The following ZNF197 variants were observed in gnomAD, a reference collection of about 807,000 sequenced individuals.
ZNF197 encodes the protein zinc finger protein 197.
In ZNF197, 14 loss-of-function variants were observed where a neutral mutation model predicts 27.4. The observed-to-expected ratio is 0.51, with a 90% CI of 0.34 to 0.80. The LOEUF (loss-of-function observed/expected upper bound fraction) is 0.80, where lower values mean the gene tolerates loss of function less well. Among genes scored for constraint, ZNF197 ranks in the 30% least tolerant of loss-of-function variants. The probability of loss-of-function intolerance (pLI) is 0.02; values close to 1 mark genes in which losing one functional copy is unlikely to be tolerated. For synonymous variants in ZNF197, 415 were observed against 420.0 expected (o/e 0.99, Z 0.15); for missense variants, 1,090 against 1,222.6 (o/e 0.89, Z 1.62).
chr3:44,629,324 A>C lies in ZNF197; in HGVS notation c.170A>C (p.Gln57Pro). ...CGTTACCATGAGACATCTGGACCCCAGGAAGCCCTGAGCCGGCTCAGGGAA... is the reference window on the plus strand; with the variant it reads ...CGTTACCATGAGACATCTGGACCCCCGGAAGCCCTGAGCCGGCTCAGGGAA... ...QLRYHETSGP[Q>P]EALSRLRELC... Residue 57 changes from glutamine to proline, a missense_variant, in exon 2 of 6, where the codon CAG becomes CCG. Gln to Pro is a moderately conservative substitution (Grantham distance 76). Coordinates refer to ENST00000344387, the MANE Select transcript of ZNF197 (RefSeq NM_006991.5). 1 of 1,614,194 alleles carries C rather than the reference A, an allele frequency of 6.2e-7. No individual in the cohort carries two copies. The highest frequency in any genetic ancestry group is 8.5e-7 in the Non-Finnish European group (1 of 1,180,024).
At chr3:44,633,850 T>C (rs900258521) in intron 5 of ZNF197, among the ~76,000 whole-genome samples, 2 of 152,258 alleles carry the variant, frequency 1.3e-5, no homozygotes, top group African/African-American at 4.8e-5. Context: ...ATTTTCTAAT[T>C]GACTGTCATT....
Position 44,642,359 on chromosome 3 carries a change from G to A in ZNF197, c.1229G>A (p.Arg410His), listed in dbSNP as rs368799335. 132 of 1,613,978 alleles carry A rather than the reference G, an allele frequency of 8.2e-5. 1 individual carries two copies. Among genetic ancestry groups the A allele is most frequent in the Admixed American group, 3.0e-4 (18 of 60,004 alleles). Residue 410 changes from arginine to histidine, a missense_variant, in exon 6 of 6, where the codon CGT (arginine) becomes CAT (histidine). Transcript: ENST00000344387. ...GAATGTGGAAAAGGCTTTATTCAGC[G>A]TTCGAGCCTTCTAATGCATTTACGG... is the stretch of plus-strand genomic sequence containing the variant. ...CKECGKGFIQ[R>H]SSLLMHLRNH... is the part of the protein sequence containing the mutation.
Position 44,641,884 on chromosome 3 carries a change from T to A in ZNF197, c.770-16T>A. 1 of 1,556,592 alleles carries A rather than the reference T, an allele frequency of 6.4e-7. No individual in the cohort carries two copies. On this transcript the variant is annotated splice_polypyrimidine_tract_variant and intron_variant, in intron 5 of 5. Coordinates refer to ENST00000344387, the MANE Select transcript of ZNF197 (RefSeq NM_006991.5). The stretch of plus-strand genomic sequence containing the variant: ...AGGGACGTGGTAACATTTGCATTTT[T>A]AATTCCTTTTACCAGAATGGGAGAC...
Position 44,644,043 on chromosome 3 carries a change from A to G in ZNF197, c.2913A>G (p.Lys971=), listed in dbSNP as rs1702801381. ...GTAGTAAAGTTTTTAGGCAAAGAAA[A>G]AACCTTACTGTACATCAGAAAATCC... ...NDCSKVFRQR[K]NLTVHQKIHT... Residue 971 remains lysine, a synonymous_variant, in exon 6 of 6, where the codon AAA becomes AAG. Coordinates refer to ENST00000344387, the MANE Select transcript of ZNF197 (RefSeq NM_006991.5). The G allele has an allele frequency of 6.2e-7, 1 of 1,614,024 alleles. No individual in the cohort carries two copies. The highest frequency in any genetic ancestry group is 2.2e-5 in the East Asian group (1 of 44,870).
rs1702853595 is a variant in ZNF197, at chr3:44,644,706, G to A, written c.*486G>A. The A allele has an allele frequency of 1.0e-6, 1 of 986,040 alleles. No individual in the cohort carries two copies. The highest frequency in any genetic ancestry group is 1.7e-5 in the African/African-American group (1 of 57,206). The allele number at this position is 986,040 out of a possible 1,614,324, so 61.1% of individuals were successfully genotyped here. ...ATAATCCAAATCTAATAACATAGTT[G>A]TAAATGAGAGCAACAATAAAAAGTA... On this transcript the variant is annotated 3_prime_UTR_variant, in exon 6 of 6. Transcript: ENST00000344387.
At position 44,643,741 on chromosome 3, in the gene ZNF197, GAA is replaced by G; in HGVS notation, c.2616_2617del (p.Lys872AsnfsTer8). The G allele has an allele frequency of 6.2e-7, 1 of 1,613,866 alleles. No homozygotes were observed. Among genetic ancestry groups the G allele is most frequent in the Non-Finnish European group, 8.5e-7 (1 of 1,179,976 alleles). On this transcript the variant is annotated frameshift_variant, in exon 6 of 6. Transcript: ENST00000344387. LOFTEE classifies it low-confidence loss of function (END_TRUNC). Reference sequence around the variant, plus strand: ...TGAACATCAAAGAATTCACAGTGGAGAAAAAACCTACGAATGTCATGTATGTA... The same window carrying G: ...TGAACATCAAAGAATTCACAGTGGAGAAAACCTACGAATGTCATGTATGTA... ...LIEHQRIHSG[E>X]KTYECHVCRK...
In ZNF197 at chr3:44,643,653, T is replaced by C; in HGVS notation, c.2523T>C (p.Thr841=). ...TTATAGCCCATCAGAGGATCCATACTGGTGAGAAGCCCTATGCGTGTAGTG... is the reference window on the plus strand; with the variant it reads ...TTATAGCCCATCAGAGGATCCATACCGGTGAGAAGCCCTATGCGTGTAGTG... ...SNLIAHQRIH[T]GEKPYACSEC... Residue 841 remains threonine (T), a synonymous_variant, in exon 6 of 6, where the codon ACT becomes ACC. Coordinates refer to ENST00000344387, the MANE Select transcript of ZNF197 (RefSeq NM_006991.5). 1.9e-6 allele frequency: 3 copies of C among 1,614,166 alleles called. No homozygotes were observed. The highest frequency in any genetic ancestry group is 2.5e-6 in the Non-Finnish European group (3 of 1,180,026).
At position 44,643,539 on chromosome 3, in the gene ZNF197, A is replaced by G. The variant is rs1479290465; in HGVS notation, c.2409A>G (p.Lys803=). 4 of 1,614,074 alleles carry G rather than the reference A, an allele frequency of 2.5e-6. No individual in the cohort carries two copies. Among genetic ancestry groups the G allele is most frequent in the Non-Finnish European group, 3.4e-6 (4 of 1,180,038 alleles). Reference sequence around the variant, plus strand: ...GTGGCAAATGCTTCATTCTGAAGAAAAGCCTCATTGGACATCAGAGAATTC... The same window carrying G: ...GTGGCAAATGCTTCATTCTGAAGAAGAGCCTCATTGGACATCAGAGAATTC... ...DECGKCFILK[K]SLIGHQRIHT... Residue 803 remains lysine (K), a synonymous_variant, in exon 6 of 6, where the codon AAA becomes AAG. Coordinates refer to ENST00000344387, the MANE Select transcript of ZNF197 (RefSeq NM_006991.5).
At position 44,647,467 on chromosome 3, in the gene ZNF197, T is replaced by G. The variant is rs896689837; in HGVS notation, c.*3247T>G. The G allele has an allele frequency of 6.6e-6, 1 of 152,152 alleles. No homozygotes were observed. The highest frequency in any genetic ancestry group is 1.5e-5 in the Non-Finnish European group (1 of 68,016). The allele number at this position is 152,152 out of a possible 1,614,324, so 9.4% of individuals were successfully genotyped here. On this transcript the variant is annotated 3_prime_UTR_variant, in exon 6 of 6. Transcript: ENST00000344387. Reference sequence around the variant, plus strand: ...CTTCTGAGCATTTATCCCAGAGAAATGAAAACTTGCGTTCACACAAAAACC... The same window carrying G: ...CTTCTGAGCATTTATCCCAGAGAAAGGAAAACTTGCGTTCACACAAAAACC...
At position 44,641,945 on chromosome 3, in the gene ZNF197, G is replaced by T. The variant is rs140570182; in HGVS notation, c.815G>T (p.Ser272Ile). 4 of 1,611,226 alleles carry T rather than the reference G, an allele frequency of 2.5e-6. No homozygotes were observed. In the East Asian group the frequency reaches 8.9e-5, roughly 36 times the overall value. The change falls in exon 6 of 6, where the codon AGT (serine) becomes ATT (isoleucine). Residue 272 changes from serine (S) to isoleucine (I), a missense_variant. By Grantham distance (142) the Ser-to-Ile change is moderately radical. Transcript: ENST00000344387. ...AATGAGGAGGTGACATCAAAGCCAA[G>T]TAGTTCTCAAAGAGCAGACTCTCAT... Reference protein sequence around the residue: ...TENEEVTSKPSSSQRADSHKG... With the variant: ...TENEEVTSKPISSQRADSHKG...
rs1449653935 is a variant in ZNF197 at position 44,642,030 on chromosome 3, G to C, written c.900G>C (p.Glu300Asp). 1 of 1,614,118 alleles carries C rather than the reference G, an allele frequency of 6.2e-7. No individual in the cohort carries two copies. The highest frequency in any genetic ancestry group is 1.1e-5 in the South Asian group (1 of 91,072). The change falls in exon 6 of 6, where the codon GAG (glutamate) becomes GAC (aspartate). Residue 300 changes from glutamate (E) to aspartate (D), a missense_variant. Coordinates refer to ENST00000344387, the MANE Select transcript of ZNF197 (RefSeq NM_006991.5). The stretch of plus-strand genomic sequence containing the variant: ...CCCAGGTCCTTGATTTTGAAGAAGA[G>C]TGTGAATGGCAAGTTTTGGCAAGTC... Reference protein sequence around the residue: ...SVPQVLDFEEECEWQVLASQW... With the variant: ...SVPQVLDFEEDCEWQVLASQW...
rs555227000 is a variant in ZNF197 at position 44,625,393 on chromosome 3, C to A, written c.-82+250C>A. Among the ~76,000 whole-genome samples the A allele has an allele frequency of 4.6e-5, 7 of 152,328 alleles. No homozygotes were observed. The South Asian group carries it at 1.2e-3, about 27-fold the overall frequency. On this transcript the variant is annotated intron_variant, in intron 1 of 5. Coordinates refer to ENST00000344387, the MANE Select transcript of ZNF197 (RefSeq NM_006991.5). ...TTTGTGGACCGGTGCTCCTGTCTAA[C>A]GGACTCTGCTGGCGCTTTGAGAAGA...
Position 44,642,639 on chromosome 3 carries a change from C to T in ZNF197, c.1509C>T (p.Leu503=). ...CTTACCTCATTGACCATCAGAGGCT[C>T]CACAAAGGGGAAGAACCTTATAAAT... ...QNAYLIDHQR[L]HKGEEPYKCN... Residue 503 remains leucine, a synonymous_variant, in exon 6 of 6, where the codon CTC becomes CTT. Coordinates refer to ENST00000344387, the MANE Select transcript of ZNF197 (RefSeq NM_006991.5). 2 of 1,614,026 alleles carry T rather than the reference C, an allele frequency of 1.2e-6. No homozygotes were observed. Among genetic ancestry groups the T allele is most frequent in the Non-Finnish European group, 1.7e-6 (2 of 1,180,014 alleles).
Position 44,644,785 on chromosome 3 carries a change from C to T in ZNF197, c.*565C>T, listed in dbSNP as rs554678017. On this transcript the variant is annotated 3_prime_UTR_variant, in exon 6 of 6. Transcript: ENST00000344387. ...CTGTAGTCCCAGGACTTTGGGAGGC[C>T]GAGGTGGGAAGATCCCTTGAGCCCA... 38 of 984,866 alleles carry T rather than the reference C, an allele frequency of 3.9e-5. No individual in the cohort carries two copies. Among genetic ancestry groups the T allele is most frequent in the Admixed American group, 6.1e-5 (1 of 16,268 alleles). 61.0% of individuals were successfully genotyped at this position (984,866 alleles called of 1,614,324 possible). A position where few individuals can be genotyped will look rare whatever the true frequency, so the allele number is the denominator to read the frequency against.
chr3:44,631,023 A>C (rs1222143995), intron 2 of ZNF197, 39 bp from the exon 3 acceptor site: 1 of 1,613,096 alleles, frequency 6.2e-7, no homozygotes, highest in South Asian at 1.1e-5. Flanking sequence ...CCATTTTCTT[A>C]AGAAACAAGA....
chr3:44,627,027 A>C (rs530364136), intron 1 of ZNF197, among the ~76,000 whole-genome samples: 31 of 152,316 alleles, frequency 2.0e-4, no homozygotes, highest in Middle Eastern at 3.4e-3. Context: ...TCTCTAAGAC[A>C]TATTATTGAG....
chr3:44,643,360 A>C lies in ZNF197; in HGVS notation c.2230A>C (p.Ser744Arg). ...YKCEDCGKAFSYNSSLLVHRR... is the reference protein window; with the variant it reads ...YKCEDCGKAFRYNSSLLVHRR... ...ATGTGAGGATTGTGGGAAGGCTTTC[A>C]GTTACAATTCAAGCCTGCTTGTACA... Residue 744 changes from serine (S) to arginine (R), a missense_variant, in exon 6 of 6, where the codon AGT (serine) becomes CGT (arginine). Coordinates refer to ENST00000344387, the MANE Select transcript of ZNF197 (RefSeq NM_006991.5). The C allele has an allele frequency of 1.9e-6, 3 of 1,614,204 alleles. No individual in the cohort carries two copies. Among genetic ancestry groups the C allele is most frequent in the Non-Finnish European group, 2.5e-6 (3 of 1,180,020 alleles).
At position 44,645,765 on chromosome 3, in the gene ZNF197, A is replaced by G. The variant is rs1057008305; in HGVS notation, c.*1545A>G. ...GTCCCAGCACTAAATTTACTGGGAC[A>G]TAAATTTTTCACATGGAGCCAAGCT... On this transcript the variant is annotated 3_prime_UTR_variant, in exon 6 of 6. Coordinates refer to ENST00000344387, the MANE Select transcript of ZNF197 (RefSeq NM_006991.5). The G allele has an allele frequency of 3.0e-6, 3 of 985,366 alleles. No individual in the cohort carries two copies. The African/African-American group carries it at 5.2e-5, about 17-fold the overall frequency. The allele number at this position is 985,366 out of a possible 1,614,324, so 61.0% of individuals were successfully genotyped here. A position where few individuals can be genotyped will look rare whatever the true frequency, so the allele number is the denominator to read the frequency against.
At chr3:44,629,027 T>C in intron 1 of ZNF197, 47 bp from the exon 2 acceptor site, 1 of 1,417,584 alleles carries the variant, frequency 7.1e-7, no homozygotes, top group South Asian at 1.5e-5. Context: ...GAAAGCTCAG[T>C]TGTTTCTCTG....
Sources: allele counts gnomAD v4.1 joint callset (sites outside exome capture counted in the v4.1 genomes callset), GRCh38; gene constraint gnomAD v4.1.1; transcripts MANE v1.5; gene names NCBI Gene and HGNC (gene_info 2026-07-23, HGNC 2026-07-21).